The following PES1 variants were observed in gnomAD, a reference collection of about 807,000 sequenced individuals.
PES1 encodes pescadillo ribosomal biogenesis factor 1.
A neutral mutation model predicts 77.1 loss-of-function variants in PES1; 31 were observed. The observed-to-expected ratio is 0.40, with a 90% CI of 0.30 to 0.54. The LOEUF is 0.54. Ranked by LOEUF, PES1 falls within the 20% of genes least tolerant of loss-of-function variation. PES1 has a pLI of 0.45. For missense variants in PES1, 658 were observed against 771.7 expected (o/e 0.85, Z 1.75); for synonymous variants, 282 against 303.0 (o/e 0.93, Z 0.72).
intron 4 of PES1, 45 bp downstream of exon 4, chr22:30,587,241 C>G: frequency 7.7e-7 from 1 of 1,291,540 alleles, no homozygotes; most frequent in Non-Finnish European, 1.1e-6. Flanking sequence ...CAGAGACCAG[C>G]AGTAAATGAA....
chr22:30,579,629 G>A lies in PES1; in HGVS notation c.1354+122C>T, dbSNP rs1299998495. On this transcript the variant is annotated intron_variant, in intron 12 of 14. Coordinates refer to ENST00000354694, the MANE Select transcript of PES1 (RefSeq NM_014303.4). ...CCCTTCTCCTAAGCCTTATTCTACA[G>A]GTGACTTCAAAGGGCTTTCTGCTCC... is the stretch of plus-strand genomic sequence containing the variant. 4.4e-6 allele frequency: 4 copies of A among 912,994 alleles called. No homozygotes were observed. The African/African-American group carries it at 6.6e-5, about 15-fold the overall frequency. The allele number at this position is 912,994 out of a possible 1,614,324, so 56.6% of individuals were successfully genotyped here. A position where few individuals can be genotyped will look rare whatever the true frequency, so the allele number is the denominator to read the frequency against.
chr22:30,584,339 C>A, intron 6 of PES1, 26 bp downstream of exon 6: 1 of 1,543,176 alleles, frequency 6.5e-7, no homozygotes, highest in East Asian at 2.3e-5. Flanking sequence ...AGCACAAGCC[C>A]GTCCCCTCCC....
chr22:30,604,681 A>G (rs2087410203), intron 2 of PES1, among the ~76,000 whole-genome samples: 1 of 152,076 alleles, frequency 6.6e-6, no homozygotes, highest in Admixed American at 6.6e-5. Context: ...TTGATGTTGC[A>G]GCTGGCTTGC....
intron 2 of PES1, among the ~76,000 whole-genome samples, chr22:30,599,972 A>G (rs1382066068): frequency 6.6e-6 from 1 of 152,204 alleles, no homozygotes; most frequent in Admixed American, 6.5e-5. Context: ...TTGTCATGTA[A>G]TTTAAAATAT....
chr22:30,580,972 C>T lies in PES1; in HGVS notation c.912+40G>A, dbSNP rs775392337. On this transcript the variant is annotated intron_variant, in intron 9 of 14. Transcript: ENST00000354694. Reference sequence around the variant, plus strand: ...TAAGCTGGGAAACCCCCCACACGACCCCTCCCAGCCCTCCTGCCAGAAGGC... The same window carrying T: ...TAAGCTGGGAAACCCCCCACACGACTCCTCCCAGCCCTCCTGCCAGAAGGC... The T allele has an allele frequency of 2.6e-6, 4 of 1,551,444 alleles. No homozygotes were observed. The African/African-American group carries it at 4.1e-5, about 16-fold the overall frequency.
intron 7 of PES1, 29 bp downstream of exon 7, chr22:30,581,499 G>A (rs199676279): frequency 3.2e-5 from 52 of 1,605,810 alleles, no homozygotes; most frequent in Admixed American, 2.0e-4. Flanking sequence ...CCTGCACGGC[G>A]AGCAGAAGGC....
chr22:30,587,425 C>T (rs1194470047), intron 3 of PES1, 30 bp from the exon 4 acceptor site: 2 of 1,530,716 alleles, frequency 1.3e-6, no homozygotes, highest in Admixed American at 3.4e-5. Context: ...CACCTCAATG[C>T]TGAGGCTCAG....
intron 4 of PES1, chr22:30,585,231 T>C: frequency 2.1e-6 from 1 of 471,008 alleles, no homozygotes. Flanking sequence ...TCTCATCCCT[T>C]GGACATGTCT....
In PES1 at chr22:30,584,675, G is replaced by A. The variant is rs1378480505; in HGVS notation, c.411C>T (p.Ala137=). ...FIDALRDLDD[A]LSMCFLFSTF... ...TGGAAAACAGGAAGCACATGGAGAG[G>A]GCATCGTCCAGGTCCCGCAGGGCAT... The change falls in exon 5 of 15, where the codon GCC becomes GCT. Residue 137 remains alanine, a synonymous_variant. Coordinates refer to ENST00000354694, the MANE Select transcript of PES1 (RefSeq NM_014303.4). The A allele has an allele frequency of 2.5e-6, 4 of 1,613,900 alleles. No individual in the cohort carries two copies. Among genetic ancestry groups the A allele is most frequent in the Non-Finnish European group, 3.4e-6 (4 of 1,180,024 alleles).
Position 30,579,745 on chromosome 22 carries a change from G to A in PES1, c.1354+6C>T, listed in dbSNP as rs776257330. On this transcript the variant is annotated splice_donor_region_variant and intron_variant, in intron 12 of 14. Coordinates refer to ENST00000354694, the MANE Select transcript of PES1 (RefSeq NM_014303.4). ...GTCAAGGCCAGCCCAGTCCCATCCC[G>A]CTCACCTGGGTCCTCTCCCCGCTGC... 42 of 1,613,134 alleles carry A rather than the reference G, an allele frequency of 2.6e-5. No individual in the cohort carries two copies. Among genetic ancestry groups the A allele is most frequent in the African/African-American group, 2.3e-4 (17 of 74,894 alleles).
intron 8 of PES1, 111 bp downstream of exon 8, chr22:30,581,223 G>A: frequency 7.3e-7 from 1 of 1,372,842 alleles, no homozygotes; most frequent in Non-Finnish European, 1.0e-6. Flanking sequence ...GGCAGGCTGA[G>A]ACCACCCACC....
intron 14 of PES1, among the ~76,000 whole-genome samples, chr22:30,577,450 G>A (rs895282036): frequency 4.6e-5 from 7 of 152,180 alleles, no homozygotes; most frequent in African/African-American, 1.7e-4. Flanking sequence ...AGGAGCTGGT[G>A]GAAAGGGGTA....
chr22:30,597,907 G>A (rs566089629), intron 2 of PES1, among the ~76,000 whole-genome samples: 25 of 133,786 alleles, frequency 1.9e-4, no homozygotes, highest in African/African-American at 5.5e-4. Flanking sequence ...GTTTTGAGTC[G>A]GAGTCTCACT....
At chr22:30,577,779 A>G (rs1025399188) in intron 14 of PES1, among the ~76,000 whole-genome samples, 4 of 152,168 alleles carry the variant, frequency 2.6e-5, no homozygotes, top group Admixed American at 2.0e-4. Context: ...TACAGGCGTG[A>G]GCCACCATGC....
chr22:30,593,717 GAC>G (rs2087217245), upstream of PES1, among the ~76,000 whole-genome samples: 1 of 152,190 alleles, frequency 6.6e-6, no homozygotes, highest in African/African-American at 2.4e-5. Flanking sequence ...GTCACTGGAA[GAC>G]ACAGGTGGGG....
intron 6 of PES1, among the ~76,000 whole-genome samples, chr22:30,583,485 C>T (rs1158071965): frequency 1.3e-5 from 2 of 152,238 alleles, no homozygotes; most frequent in East Asian, 3.8e-4. Flanking sequence ...ACTCAATGAT[C>T]AAGCAAGGTG....
exon 1 of PES1, chr22:30,606,937 G>C: frequency 9.6e-7 from 1 of 1,040,508 alleles, no homozygotes; most frequent in Non-Finnish European, 1.2e-6. Flanking sequence ...GAACAGCTGG[G>C]GGGACAGCAG....
intron 4 of PES1, chr22:30,585,303 T>C: frequency 2.1e-6 from 1 of 471,522 alleles, no homozygotes; most frequent in Non-Finnish European, 4.4e-6. Flanking sequence ...CAGAATGTGT[T>C]TCGGGGAATC....
intron 2 of PES1, among the ~76,000 whole-genome samples, chr22:30,604,560 G>A (rs1328358476): frequency 6.6e-6 from 1 of 152,102 alleles, no homozygotes; most frequent in Non-Finnish European, 1.5e-5. Flanking sequence ...TTGAACCCGG[G>A]AGGAGGGTGT....
Sources: allele counts gnomAD v4.1 joint callset (sites outside exome capture counted in the v4.1 genomes callset), GRCh38; gene constraint gnomAD v4.1.1; transcripts MANE v1.5; gene names NCBI Gene and HGNC (gene_info 2026-07-23, HGNC 2026-07-21).